The following CENPQ variants were observed in gnomAD, a reference collection of about 807,000 sequenced individuals.
The protein encoded by CENPQ is chromosome 6 open reading frame 139.
Under a neutral mutation model 36.6 loss-of-function variants are expected in CENPQ, and 27 were observed. That is an observed-to-expected ratio of 0.74 (90% confidence interval 0.54 to 1.02). The LOEUF (loss-of-function observed/expected upper bound fraction) is 1.02, where lower values mean the gene tolerates loss of function less well. Among genes scored for constraint, CENPQ ranks in the 50% least tolerant of loss-of-function variants. CENPQ has a pLI of 0.00. For synonymous variants in CENPQ, 101 were observed against 101.7 expected, an observed-to-expected ratio of 0.99 and a Z score of 0.04; for missense variants, 306 against 301.8, an observed-to-expected ratio of 1.01 and a Z score of -0.10.
chr6:49,464,985 T>G (rs1767966968), intron 1 of CENPQ, among the ~76,000 whole-genome samples: 1 of 152,250 alleles, frequency 6.6e-6, no homozygotes, highest in African/African-American at 2.4e-5. Flanking sequence ...TTTCAATTTA[T>G]TTTGCCCAGA....
chr6:49,471,999 A>G (rs1768146840), intron 3 of CENPQ, 64 bp from the exon 4 acceptor site: 6 of 1,501,100 alleles, frequency 4.0e-6, no homozygotes, highest in Middle Eastern at 1.8e-4. Flanking sequence ...AAAACATTCC[A>G]TTTTTAAGCA....
chr6:49,470,622 C>CAAAAAA (rs1199878940), intron 2 of CENPQ, among the ~76,000 whole-genome samples: 2 of 66,382 alleles, frequency 3.0e-5, no homozygotes, highest in Admixed American at 1.8e-4. Context: ...GACTCCGTCT[C>CAAAAAA]AAAAAAAAAA....
At chr6:49,490,579 A>G (rs1768697476) in intron 8 of CENPQ, among the ~76,000 whole-genome samples, 1 of 152,192 alleles carries the variant, frequency 6.6e-6, no homozygotes, top group South Asian at 2.1e-4. Context: ...TTGCATTCAC[A>G]ACTTGGGCGT....
rs376329132 is a variant in CENPQ, at chr6:49,488,478, A to G, written c.597+7A>G. ...AGAGGAGAGAGTAAAACAGGTAATTATTTTAAACTGTATTATTGGAATTTG... is the reference window on the plus strand; with the variant it reads ...AGAGGAGAGAGTAAAACAGGTAATTGTTTTAAACTGTATTATTGGAATTTG... On this transcript the variant is annotated splice_region_variant and intron_variant, in intron 7 of 8. Transcript: ENST00000335783. 6.2e-7 allele frequency: 1 copy of G among 1,609,940 alleles called. No individual in the cohort carries two copies. Among genetic ancestry groups the G allele is most frequent in the African/African-American group, 1.3e-5 (1 of 74,738 alleles).
intron 6 of CENPQ, among the ~76,000 whole-genome samples, chr6:49,482,705 C>T (rs951566536): frequency 2.0e-5 from 3 of 152,068 alleles, no homozygotes; most frequent in South Asian, 2.1e-4. Context: ...CACCGCTTGG[C>T]GATAGGCGAA....
rs755530043 is a variant in CENPQ, at chr6:49,488,393, T to G, written c.519T>G (p.Thr173=). Residue 173 remains threonine, a synonymous_variant, in exon 7 of 9, where the codon ACT becomes ACG. Transcript: ENST00000335783. The stretch of plus-strand genomic sequence containing the variant: ...TGGTAGAGACCACAGAGTTAATGAC[T>G]GGGAATATTCAGAGCCTAAAGAACA... ...DKMVETTELM[T]GNIQSLKNKI... 1.9e-6 allele frequency: 3 copies of G among 1,611,988 alleles called. No homozygotes were observed. The South Asian group carries it at 3.3e-5, about 18-fold the overall frequency.
At position 49,492,520 on chromosome 6, in the gene CENPQ, T is replaced by G. The variant is rs1224137039; in HGVS notation, c.*245T>G. On this transcript the variant is annotated 3_prime_UTR_variant, in exon 9 of 9. Transcript: ENST00000335783. ...ATTGCTGTATCTATAAGTATTTGCC[T>G]AAAACCATAAAATAGGAATTGCCTT... 4 of 322,696 alleles carry G rather than the reference T, an allele frequency of 1.2e-5. No homozygotes were observed. The Admixed American group carries it at 1.5e-4, about 12-fold the overall frequency. 20.0% of individuals were successfully genotyped at this position (322,696 alleles called of 1,614,324 possible).
At chr6:49,476,305 CA>C (rs1386965767) in intron 5 of CENPQ, among the ~76,000 whole-genome samples, 2 of 152,042 alleles carry the variant, frequency 1.3e-5, no homozygotes, top group Non-Finnish European at 2.9e-5. Flanking sequence ...ACAAACCTGA[CA>C]AAAACAAGCA....
intron 6 of CENPQ, among the ~76,000 whole-genome samples, chr6:49,481,991 C>T (rs1208088752): frequency 4.6e-5 from 7 of 152,130 alleles, no homozygotes; most frequent in African/African-American, 9.7e-5. Context: ...TAAGGCCCGG[C>T]GACAAATTGA....
At chr6:49,463,990 C>T (rs1209931518) in intron 1 of CENPQ, among the ~76,000 whole-genome samples, 1 of 152,168 alleles carries the variant, frequency 6.6e-6, no homozygotes, top group African/African-American at 2.4e-5. Context: ...TGTCCCTGAA[C>T]ACGCCAGGTT....
intron 1 of CENPQ, among the ~76,000 whole-genome samples, chr6:49,463,897 A>G (rs1767929762): frequency 6.6e-6 from 1 of 152,110 alleles, no homozygotes; most frequent in African/African-American, 2.4e-5. Context: ...CTCCTAAAGC[A>G]TATAGTCTGG....
At chr6:49,463,639 G>C (rs1284573026) in intron 1 of CENPQ, among the ~76,000 whole-genome samples, 186 bp downstream of exon 1, 3 of 152,104 alleles carry the variant, frequency 2.0e-5, no homozygotes, top group African/African-American at 4.8e-5. Context: ...TGTTTGATTA[G>C]GGGGGAGGGA....
chr6:49,492,267 G>T lies in CENPQ; in HGVS notation c.799G>T (p.Ala267Ser), dbSNP rs753657252. The T allele has an allele frequency of 1.3e-6, 2 of 1,573,876 alleles. No homozygotes were observed. Among genetic ancestry groups the T allele is most frequent in the African/African-American group, 2.8e-5 (2 of 72,360 alleles). The change falls in exon 9 of 9, where the codon GCA (alanine) becomes TCA (serine). Residue 267 changes from alanine to serine, a missense_variant. By Grantham distance (99) the Ala-to-Ser change is moderately conservative. Coordinates refer to ENST00000335783, the MANE Select transcript of CENPQ (RefSeq NM_018132.4). ...TGAAGAAGCCTATAAGAAACTGGAT[G>T]CATCTTAAAGAGTGTTTTTTTTTTA... ...FIEEAYKKLD[A>S]S
At chr6:49,472,275 A>G in intron 4 of CENPQ, 92 bp downstream of exon 4, 1 of 1,002,680 alleles carries the variant, frequency 1.0e-6, no homozygotes. Context: ...ATCTATTTTA[A>G]GGTAATAGAG....
chr6:49,473,991 A>G (rs1288388842), intron 5 of CENPQ, among the ~76,000 whole-genome samples: 1 of 152,200 alleles, frequency 6.6e-6, no homozygotes, highest in Non-Finnish European at 1.5e-5. Flanking sequence ...ATATGCACCT[A>G]ATACAGGAGC....
At chr6:49,483,098 C>T (rs866095730) in intron 6 of CENPQ, among the ~76,000 whole-genome samples, 1 of 152,250 alleles carries the variant, frequency 6.6e-6, no homozygotes. Flanking sequence ...GCCGAGTGGT[C>T]TGTTTTGACA....
At chr6:49,492,040 G>T in intron 8 of CENPQ, 104 bp from the exon 9 acceptor site, 1 of 836,650 alleles carries the variant, frequency 1.2e-6, no homozygotes, top group South Asian at 1.8e-5. Flanking sequence ...ATTGAAGTTG[G>T]ATGATAGATA....
At chr6:49,482,234 C>G (rs1768452511) in intron 6 of CENPQ, among the ~76,000 whole-genome samples, 1 of 152,196 alleles carries the variant, frequency 6.6e-6, no homozygotes, top group Admixed American at 6.5e-5. Flanking sequence ...CTGAGGGAGC[C>G]AGCTCCGGCC....
chr6:49,492,839 G>A lies in CENPQ; in HGVS notation c.*564G>A, dbSNP rs532059725. The A allele has an allele frequency of 1.3e-5, 2 of 152,358 alleles. No individual in the cohort carries two copies. 9.4% of individuals were successfully genotyped at this position (152,358 alleles called of 1,614,324 possible). On this transcript the variant is annotated 3_prime_UTR_variant, in exon 9 of 9. Transcript: ENST00000335783. ...GTAGTATCAAAATTTTACTTCTTTGGTTGTTTAGTGAATTAATGTTGAATA... is the reference window on the plus strand; with the variant it reads ...GTAGTATCAAAATTTTACTTCTTTGATTGTTTAGTGAATTAATGTTGAATA...
Sources: allele counts gnomAD v4.1 joint callset (sites outside exome capture counted in the v4.1 genomes callset), GRCh38; gene constraint gnomAD v4.1.1; transcripts MANE v1.5; gene names NCBI Gene and HGNC (gene_info 2026-07-23, HGNC 2026-07-21).